Variants in SLC11A1 observed in about 807,000 individuals in gnomAD.
SLC11A1 encodes natural resistance-associated macrophage protein 1.
Under a neutral mutation model 63.2 loss-of-function variants are expected in SLC11A1, and 59 were observed. The observed-to-expected ratio is 0.93, with a 90% CI of 0.76 to 1.16. The LOEUF is 1.16. Ranked by LOEUF, SLC11A1 falls within the 50% of genes most tolerant of loss-of-function variation. The probability of loss-of-function intolerance (pLI) is 0.00; values close to 1 mark genes in which losing one functional copy is unlikely to be tolerated. For missense variants in SLC11A1, 688 were observed against 730.7 expected (o/e 0.94, Z 0.67); for synonymous variants, 305 against 307.8 (o/e 0.99, Z 0.09).
Position 218,389,853 on chromosome 2 carries a change from C to T in SLC11A1, c.796-17C>T. On this transcript the variant is annotated splice_polypyrimidine_tract_variant and intron_variant, in intron 8 of 14. Coordinates refer to ENST00000233202, the MANE Select transcript of SLC11A1 (RefSeq NM_000578.4). ...CTGAGGGACTTTGGCACTTCCCTCT[C>T]CCTTTGATCTTCGTAGTCTCGAGAG... is the stretch of plus-strand genomic sequence containing the variant. 1.3e-6 allele frequency: 2 copies of T among 1,598,826 alleles called. No homozygotes were observed. The highest frequency in any genetic ancestry group is 1.7e-6 in the Non-Finnish European group (2 of 1,172,066).
At chr2:218,383,221 C>A in intron 2 of SLC11A1, 119 bp downstream of exon 2, 2 of 1,184,538 alleles carry the variant, frequency 1.7e-6, no homozygotes, top group Non-Finnish European at 2.4e-6. Context: ...CAGGTCTGAG[C>A]AGCAGTGGTG....
Position 218,391,191 on chromosome 2 carries a change from C to T in SLC11A1, c.955-7C>T. The T allele has an allele frequency of 6.2e-7, 1 of 1,613,014 alleles. No individual in the cohort carries two copies. Among genetic ancestry groups the T allele is most frequent in the East Asian group, 2.2e-5 (1 of 44,886 alleles). ...ACATCTTCCTTCTACTGCCCTGGTA[C>T]CCACAGTTCAACATCTGTGCCAACA... On this transcript the variant is annotated splice_region_variant and splice_polypyrimidine_tract_variant and intron_variant, in intron 9 of 14. Coordinates refer to ENST00000233202, the MANE Select transcript of SLC11A1 (RefSeq NM_000578.4).
intron 1 of SLC11A1, 146 bp downstream of exon 1, chr2:218,382,521 A>T: frequency 5.1e-6 from 4 of 789,596 alleles, no homozygotes; most frequent in South Asian, 1.7e-5. Flanking sequence ...TCTAGAACAC[A>T]GTTCTGGACA....
In SLC11A1 at chr2:218,387,858, G is replaced by C; in HGVS notation, c.698G>C (p.Cys233Ser). Reference protein sequence around the residue: ...ALLRGLFLPSCPGCGHPELLQ... With the variant: ...ALLRGLFLPSSPGCGHPELLQ... Reference sequence around the variant, plus strand: ...CTTCGGGGCCTGTTCCTGCCCTCGTGCCCGGGCTGCGGCCACCCCGAGCTG... The same window carrying C: ...CTTCGGGGCCTGTTCCTGCCCTCGTCCCCGGGCTGCGGCCACCCCGAGCTG... The change falls in exon 8 of 15, where the codon TGC becomes TCC. Residue 233 changes from cysteine (C) to serine (S), a missense_variant. By Grantham distance (112) the Cys-to-Ser change is moderately radical. Transcript: ENST00000233202. 6.2e-7 allele frequency: 1 copy of C among 1,601,418 alleles called. No homozygotes were observed. The highest frequency in any genetic ancestry group is 2.3e-5 in the East Asian group (1 of 44,322).
chr2:218,394,261 A>G (rs987077768), intron 13 of SLC11A1, 68 bp downstream of exon 13: 1 of 1,474,998 alleles, frequency 6.8e-7, no homozygotes, highest in Non-Finnish European at 9.4e-7. Context: ...ACCCAGAGGT[A>G]CGAGCTACAA....
At chr2:218,387,469 T>C in intron 6 of SLC11A1, 96 bp from the exon 7 acceptor site, 5 of 1,278,052 alleles carry the variant, frequency 3.9e-6, no homozygotes, top group Non-Finnish European at 5.6e-6. Context: ...CACTTGGCAC[T>C]GTGCCTAGAA....
At position 218,391,853 on chromosome 2, in the gene SLC11A1, C is replaced by T. The variant is rs192221876; in HGVS notation, c.1164+358C>T. On this transcript the variant is annotated intron_variant, in intron 11 of 14. Coordinates refer to ENST00000233202, the MANE Select transcript of SLC11A1 (RefSeq NM_000578.4). ...GGCCAGGCTAGTCTTGAACTCTTGA[C>T]CTCAAGTGATCCGCCTGCCTTGGCC... 1.1e-3 allele frequency: 310 copies of T among 272,150 alleles called. 1 individual carries two copies. Among genetic ancestry groups the T allele is most frequent in the African/African-American group, 6.6e-3 (291 of 44,052 alleles). 16.9% of individuals were successfully genotyped at this position (272,150 alleles called of 1,614,324 possible).
At chr2:218,382,441 T>C (rs749729440) in intron 1 of SLC11A1, 66 bp downstream of exon 1, 168 of 1,583,428 alleles carry the variant, frequency 1.1e-4, no homozygotes, top group Non-Finnish European at 1.3e-4. Flanking sequence ...ACTAGGCTGG[T>C]GGAGACTTGA....
At chr2:218,383,361 G>A in intron 2 of SLC11A1, 1 of 486,592 alleles carries the variant, frequency 2.1e-6, no homozygotes, top group Admixed American at 3.4e-5. Flanking sequence ...AGAGGCCCAG[G>A]GGGAATTGGG....
intron 1 of SLC11A1, among the ~76,000 whole-genome samples, 183 bp from the exon 2 acceptor site, chr2:218,382,777 A>G (rs980422404): frequency 6.6e-6 from 1 of 152,120 alleles, no homozygotes; most frequent in Admixed American, 6.6e-5. Flanking sequence ...GTAATTCTGA[A>G]GCTGCCATGT....
chr2:218,385,271 G>C lies in SLC11A1; in HGVS notation c.393+5G>C, dbSNP rs1335363244. 12 of 1,613,868 alleles carry C rather than the reference G, an allele frequency of 7.4e-6. No homozygotes were observed. Among genetic ancestry groups the C allele is most frequent in the Non-Finnish European group, 1.0e-5 (12 of 1,179,762 alleles). On this transcript the variant is annotated splice_donor_5th_base_variant and intron_variant, in intron 4 of 14. Coordinates refer to ENST00000233202, the MANE Select transcript of SLC11A1 (RefSeq NM_000578.4). ...TGCCATCTCTACTACCCTAAGGTGA[G>C]CTTGGGGGGCCTGGACAGGGAGAAC...
rs753535626 is a variant in SLC11A1, at chr2:218,387,620, C to G, written c.627C>G (p.Thr209=). Residue 209 remains threonine, a synonymous_variant, in exon 7 of 15, where the codon ACC becomes ACG. Transcript: ENST00000233202. The part of the protein sequence containing the change: ...FGLLITIMAL[T]FGYEYVVARP... ...TCCTTATAACCATTATGGCCTTGACCTTTGGCTATGAGGTAGGAAGCCAGT... is the reference window on the plus strand; with the variant it reads ...TCCTTATAACCATTATGGCCTTGACGTTTGGCTATGAGGTAGGAAGCCAGT... 1 of 1,614,146 alleles carries G rather than the reference C, an allele frequency of 6.2e-7. No individual in the cohort carries two copies. The highest frequency in any genetic ancestry group is 2.2e-5 in the East Asian group (1 of 44,888).
At chr2:218,387,046 G>T in intron 5 of SLC11A1, 114 bp from the exon 6 acceptor site, 1 of 950,550 alleles carries the variant, frequency 1.1e-6, no homozygotes, top group Non-Finnish European at 1.7e-6. Flanking sequence ...GCTGTCTGGG[G>T]GCGCTTAGGG....
rs778801336 is a variant in SLC11A1 at position 218,390,050 on chromosome 2, A to G, written c.954+22A>G. The G allele has an allele frequency of 9.4e-6, 15 of 1,597,898 alleles. No individual in the cohort carries two copies. In the African/African-American group the frequency reaches 1.9e-4, roughly 20 times the overall value. On this transcript the variant is annotated intron_variant, in intron 9 of 14. Transcript: ENST00000233202. ...TGCGGTGAGACACACTTTCCCCCGC[A>G]CCTGAGGCCACACACGTACTCATGT...
In SLC11A1 at chr2:218,385,263, T is replaced by A; in HGVS notation, c.390T>A (p.Pro130=). 1 of 1,613,886 alleles carries A rather than the reference T, an allele frequency of 6.2e-7. No individual in the cohort carries two copies. The change falls in exon 4 of 15, where the codon CCT becomes CCA. Residue 130 remains proline (P), a synonymous_variant. Transcript: ENST00000233202. ...GCGAGGTCTGCCATCTCTACTACCC[T>A]AAGGTGAGCTTGGGGGGCCTGGACA... The part of the protein sequence containing the change: ...DLGEVCHLYY[P]KVPRTVLWLT...
rs1358152423 is a variant in SLC11A1, at chr2:218,393,107, C to T, written c.1291C>T (p.Leu431Phe). The change falls in exon 12 of 15, where the codon CTC becomes TTC. Residue 431 changes from leucine to phenylalanine, a missense_variant. Physicochemically the swap from Leu to Phe is conservative, Grantham distance 22 (BLOSUM62 0). Transcript: ENST00000233202. ...LRDLSGLNDL[L>F]NVLQSLLLPF... is the part of the protein sequence containing the mutation. ...GGACTTGTCGGGCCTCAATGATCTG[C>T]TCAACGTGCTGCAGAGCCTGCTGGT... 7 of 1,587,292 alleles carry T rather than the reference C, an allele frequency of 4.4e-6. No individual in the cohort carries two copies. The highest frequency in any genetic ancestry group is 6.0e-6 in the Non-Finnish European group (7 of 1,172,336).
chr2:218,394,077 T>A, intron 12 of SLC11A1, 43 bp from the exon 13 acceptor site: 1 of 1,606,184 alleles, frequency 6.2e-7, no homozygotes. Flanking sequence ...TGCCATATTC[T>A]GAGGCAGAAT....
chr2:218,387,048 C>T (rs1488029619), intron 5 of SLC11A1, 112 bp from the exon 6 acceptor site: 5 of 966,104 alleles, frequency 5.2e-6, no homozygotes, highest in South Asian at 2.6e-5. Flanking sequence ...TGTCTGGGGG[C>T]GCTTAGGGTC....
In SLC11A1 at chr2:218,383,109, T is replaced by G; in HGVS notation, c.150+7T>G. 1.2e-6 allele frequency: 2 copies of G among 1,613,268 alleles called. No homozygotes were observed. The highest frequency in any genetic ancestry group is 4.5e-5 in the East Asian group (2 of 44,852). ...CATCCCAGACACAAAACCGGTGGGA[T>G]GCTGGAAACTTCCTGGGGGCTTGCA... On this transcript the variant is annotated splice_region_variant and intron_variant, in intron 2 of 14. Transcript: ENST00000233202.
Sources: gnomAD v4.1 joint callset for allele counts (sites outside exome capture counted in the v4.1 genomes callset) on GRCh38, gnomAD v4.1.1 for gene constraint, MANE v1.5 for transcripts, NCBI Gene and HGNC (gene_info 2026-07-23, HGNC 2026-07-21) for gene names.